Variants in NRXN3 observed in about 807,000 individuals in gnomAD.
NRXN3 encodes the protein neurexin 3, also known as neurexin III.
A neutral mutation model predicts 137.6 loss-of-function variants in NRXN3; 32 were observed. The ratio of observed to expected loss-of-function variants is 0.23; its 90% confidence interval spans 0.18 to 0.31. NRXN3 has a LOEUF of 0.31. Ranked by LOEUF, NRXN3 falls within the 10% of genes least tolerant of loss-of-function variation. The pLI, the probability that NRXN3 is intolerant of heterozygous loss-of-function variation, is 1.00. For synonymous variants in NRXN3, 798 were observed against 784.5 expected, an observed-to-expected ratio of 1.02 and a Z score of -0.29; for missense variants, 1,574 against 2,062.5, an observed-to-expected ratio of 0.76 and a Z score of 4.59.
rs1396625480 is a variant in NRXN3 at position 79,863,065 on chromosome 14, TTCAAC to T, written c.*1104_*1108del. On this transcript the variant is annotated 3_prime_UTR_variant, in exon 21 of 21. Transcript: ENST00000335750. ...GTTATCAAACCAGACAGTAGGGGAGTTCAACTCGTGATGGAACCACAAAAGGTCAC... is the reference window on the plus strand; with the variant it reads ...GTTATCAAACCAGACAGTAGGGGAGTTCGTGATGGAACCACAAAAGGTCAC... The T allele has an allele frequency of 1.3e-5, 2 of 152,012 alleles. No homozygotes were observed. Among genetic ancestry groups the T allele is most frequent in the Non-Finnish European group, 2.9e-5 (2 of 67,930 alleles). The allele number at this position is 152,012 out of a possible 1,614,324, so 9.4% of individuals were successfully genotyped here. A position where few individuals can be genotyped will look rare whatever the true frequency, so the allele number is the denominator to read the frequency against.
At chr14:78,825,196 C>CAAAAAAAAAAAAAAAAAAAAAAAAA (rs11335474) in intron 10 of NRXN3, among the ~76,000 whole-genome samples, 1 of 75,824 alleles carries the variant, frequency 1.3e-5, no homozygotes, top group Non-Finnish European at 2.7e-5. Context: ...GACTCTGCCT[C>CAAAAAAAAAAAAAAAAAAAAAAAAA]AAAAAAAAAA....
At chr14:79,140,280 T>C (rs374010937) in intron 15 of NRXN3, among the ~76,000 whole-genome samples, 2 of 152,158 alleles carry the variant, frequency 1.3e-5, no homozygotes, top group African/African-American at 4.8e-5. Flanking sequence ...AGAACTTTGA[T>C]TTGAGCTAGT....
chr14:78,926,826 ATAATT>A (rs1385722855), intron 10 of NRXN3, among the ~76,000 whole-genome samples: 3 of 36,094 alleles, frequency 8.3e-5, no homozygotes, highest in Non-Finnish European at 1.2e-4. Context: ...TATATTATAT[ATAATT>A]TATATAAATA....
At chr14:79,731,455 T>C (rs1479782376) in intron 19 of NRXN3, among the ~76,000 whole-genome samples, 1 of 152,230 alleles carries the variant, frequency 6.6e-6, no homozygotes, top group Non-Finnish European at 1.5e-5. Flanking sequence ...CTAATCATTA[T>C]ATTTTCCAAT....
At chr14:78,594,178 A>G (rs567002409) in intron 4 of NRXN3, among the ~76,000 whole-genome samples, 2 of 152,332 alleles carry the variant, frequency 1.3e-5, no homozygotes, top group Admixed American at 1.3e-4. Context: ...AGGTAATGCA[A>G]TGCAGTCCAA....
At position 78,803,833 on chromosome 14, in the gene NRXN3, G is replaced by A. The variant is rs766184400; in HGVS notation, c.2248+10G>A. 1.1e-5 allele frequency: 17 copies of A among 1,610,722 alleles called. No individual in the cohort carries two copies. Among genetic ancestry groups the A allele is most frequent in the South Asian group, 9.9e-5 (9 of 90,988 alleles). On this transcript the variant is annotated intron_variant, in intron 9 of 20. Transcript: ENST00000335750. ...CTCATGGTTAACTTAGGTATCGTAT[G>A]AAGTACCCTCTGCCACTTCGTTTGG...
intron 4 of NRXN3, among the ~76,000 whole-genome samples, chr14:78,593,911 G>A (rs969548757): frequency 7.2e-5 from 11 of 152,114 alleles, no homozygotes; most frequent in Non-Finnish European, 1.6e-4. Flanking sequence ...GCAGAATATT[G>A]TATTCCAACG....
At chr14:79,799,249 A>T (rs988952547) in intron 19 of NRXN3, among the ~76,000 whole-genome samples, 1 of 152,236 alleles carries the variant, frequency 6.6e-6, no homozygotes, top group Non-Finnish European at 1.5e-5. Context: ...ACATATTTTA[A>T]CATGTAGTAG....
intron 6 of NRXN3, among the ~76,000 whole-genome samples, chr14:78,680,948 A>G (rs879269830): frequency 2.0e-5 from 3 of 152,196 alleles, no homozygotes; most frequent in Non-Finnish European, 2.9e-5. Context: ...TTCTGAGTTA[A>G]TTATCCAGGG....
At chr14:78,955,016 A>G (rs2099394288) in intron 10 of NRXN3, among the ~76,000 whole-genome samples, 1 of 151,822 alleles carries the variant, frequency 6.6e-6, no homozygotes, top group Admixed American at 6.6e-5. Flanking sequence ...TGTGTTAGTC[A>G]TTTTCCGCTT....
At chr14:79,091,909 T>C (rs1181640439) in intron 15 of NRXN3, among the ~76,000 whole-genome samples, 1 of 152,212 alleles carries the variant, frequency 6.6e-6, no homozygotes, top group Non-Finnish European at 1.5e-5. Context: ...GTTTATATTT[T>C]TGTTGAGGTT....
intron 15 of NRXN3, among the ~76,000 whole-genome samples, chr14:79,328,167 T>A (rs145829411): frequency 1.3e-5 from 2 of 152,150 alleles, no homozygotes; most frequent in Non-Finnish European, 2.9e-5. Flanking sequence ...TTATTATAAA[T>A]GTAAAGTAAT....
chr14:78,386,853 T>C (rs924478029), intron 4 of NRXN3, among the ~76,000 whole-genome samples: 5 of 152,070 alleles, frequency 3.3e-5, no homozygotes, highest in African/African-American at 1.2e-4. Flanking sequence ...CCATCTTGGC[T>C]CACTGCAACC....
chr14:79,768,478 C>T (rs1227549438), intron 19 of NRXN3, among the ~76,000 whole-genome samples: 1 of 152,190 alleles, frequency 6.6e-6, no homozygotes, highest in Non-Finnish European at 1.5e-5. Context: ...GACCCCCGAG[C>T]AGCCTAACTG....
intron 6 of NRXN3, among the ~76,000 whole-genome samples, chr14:78,670,767 A>C (rs1054279609): frequency 3.9e-5 from 6 of 152,178 alleles, no homozygotes; most frequent in Non-Finnish European, 5.9e-5. Context: ...GTAATGAGTA[A>C]GATTTATTAA....
chr14:79,857,377 A>AT (rs1398136863), intron 20 of NRXN3, among the ~76,000 whole-genome samples: 1 of 151,992 alleles, frequency 6.6e-6, no homozygotes. Flanking sequence ...GCCAGCCACT[A>AT]TGCCTGGCTA....
chr14:78,257,864 A>C (rs867196508), intron 2 of NRXN3, among the ~76,000 whole-genome samples: 1 of 152,152 alleles, frequency 6.6e-6, no homozygotes, highest in South Asian at 2.1e-4. Flanking sequence ...TGATGATAGG[A>C]AGGCTTAAGG....
chr14:79,222,172 T>G (rs2069846730), intron 15 of NRXN3, among the ~76,000 whole-genome samples: 1 of 152,196 alleles, frequency 6.6e-6, no homozygotes, highest in African/African-American at 2.4e-5. Flanking sequence ...TAGTATAGTT[T>G]GAAGTCAGGT....
chr14:78,608,948 G>A (rs937739403), intron 4 of NRXN3, among the ~76,000 whole-genome samples: 1 of 152,118 alleles, frequency 6.6e-6, no homozygotes, highest in African/African-American at 2.4e-5. Flanking sequence ...CCAGAAAAAG[G>A]GCTGGGCATA....
Sources: gnomAD v4.1 joint callset for allele counts (sites outside exome capture counted in the v4.1 genomes callset) on GRCh38, gnomAD v4.1.1 for gene constraint, MANE v1.5 for transcripts, NCBI Gene and HGNC (gene_info 2026-07-23, HGNC 2026-07-21) for gene names.